Variants in KHDC4 observed in about 807,000 individuals in gnomAD.
The protein encoded by KHDC4 is KH domain containing 4, pre-mRNA splicing factor, also known as KH homology domain-containing protein 4.
In KHDC4, 19 loss-of-function variants were observed where a neutral mutation model predicts 74.5. The observed-to-expected ratio is 0.26, with a 90% CI of 0.18 to 0.37. KHDC4 has a LOEUF of 0.37. Among genes scored for constraint, KHDC4 ranks in the 10% least tolerant of loss-of-function variants. The probability of loss-of-function intolerance (pLI) is 1.00; values close to 1 mark genes in which losing one functional copy is unlikely to be tolerated. For missense variants in KHDC4, 632 were observed against 754.1 expected (o/e 0.84, Z 1.90); for synonymous variants, 253 against 266.1 (o/e 0.95, Z 0.48).
At chr1:155,930,666 C>T (rs1390548745) in intron 2 of KHDC4, among the ~76,000 whole-genome samples, 3 of 152,150 alleles carry the variant, frequency 2.0e-5, no homozygotes, top group South Asian at 2.1e-4. Flanking sequence ...ATCCAACTAA[C>T]TCCATCCTTG....
At position 155,925,781 on chromosome 1, in the gene KHDC4, G is replaced by C; in HGVS notation, c.744C>G (p.Val248=). ...AGCCTGGACCTTCCACCTTCTCCTTGACATTAAAAGTGGGTACAGCATGTT... is the reference window on the plus strand; with the variant it reads ...AGCCTGGACCTTCCACCTTCTCCTTCACATTAAAAGTGGGTACAGCATGTT... The part of the protein sequence containing the change: ...GLEHAVPTFN[V]KEKVEGPGCS... The change falls in exon 7 of 14, where the codon GTC becomes GTG. Residue 248 remains valine (V), a synonymous_variant. Coordinates refer to ENST00000368321, the MANE Select transcript of KHDC4 (RefSeq NM_014949.4). The C allele has an allele frequency of 6.2e-7, 1 of 1,614,132 alleles. No individual in the cohort carries two copies. Among genetic ancestry groups the C allele is most frequent in the Non-Finnish European group, 8.5e-7 (1 of 1,179,994 alleles).
At chr1:155,917,810 T>C in intron 10 of KHDC4, 138 bp from the exon 11 acceptor site, 1 of 722,548 alleles carries the variant, frequency 1.4e-6, no homozygotes, top group East Asian at 2.8e-5. Flanking sequence ...TTCCTTCATG[T>C]ATAATTTGGT....
intron 6 of KHDC4, chr1:155,926,136 C>T (rs759911527): frequency 1.5e-5 from 9 of 586,766 alleles, no homozygotes; most frequent in Non-Finnish European, 9.8e-6. Flanking sequence ...TCAAAATGTA[C>T]AACATGTATA....
At chr1:155,928,366 ACTC>A (rs1674067169) in intron 4 of KHDC4, among the ~76,000 whole-genome samples, 1 of 151,594 alleles carries the variant, frequency 6.6e-6, no homozygotes, top group Non-Finnish European at 1.5e-5. Context: ...AAGAGCAAAA[ACTC>A]CTTCTCTAAT....
Position 155,925,647 on chromosome 1 carries a change from A to G in KHDC4, c.878T>C (p.Met293Thr), listed in dbSNP as rs1431266877. The G allele has an allele frequency of 1.9e-6, 3 of 1,614,034 alleles. No homozygotes were observed. The highest frequency in any genetic ancestry group is 1.7e-5 in the Admixed American group (1 of 59,992). ...CCATCCATACCTGATGTAAATATAC[A>G]TAGGTTCAAAAGCTTCTCGGCCAGA... ...PASGREAFEP[M>T]YIYISHPKPE... Residue 293 changes from methionine to threonine, a missense_variant, in exon 7 of 14, where the codon ATG becomes ACG. By Grantham distance (81) the Met-to-Thr change is moderately conservative. Transcript: ENST00000368321.
At chr1:155,916,428 AAT>A (rs1432911273) in intron 12 of KHDC4, among the ~76,000 whole-genome samples, 195 bp downstream of exon 12, 1 of 152,238 alleles carries the variant, frequency 6.6e-6, no homozygotes, top group Non-Finnish European at 1.5e-5. Flanking sequence ...TTCAAAACCG[AAT>A]ATAACTGCTT....
chr1:155,924,928 A>G (rs1673952677), intron 7 of KHDC4, among the ~76,000 whole-genome samples: 1 of 151,692 alleles, frequency 6.6e-6, no homozygotes, highest in Non-Finnish European at 1.5e-5. Flanking sequence ...CAGTGGTGCA[A>G]ACACAGCTAC....
At chr1:155,924,576 T>C (rs552794649) in intron 7 of KHDC4, among the ~76,000 whole-genome samples, 87 of 139,328 alleles carry the variant, frequency 6.2e-4, no homozygotes, top group African/African-American at 1.5e-3. Flanking sequence ...TAATTTCTCT[T>C]TTTTTTTTTT....
chr1:155,926,740 T>G lies in KHDC4; in HGVS notation c.617A>C (p.His206Pro), dbSNP rs768807178. ...TFNGATVTVYHQPAPIAQLSP... is the reference protein window; with the variant it reads ...TFNGATVTVYPQPAPIAQLSP... ...CAACTGAGCGATGGGTGCTGGCTGG[T>G]GATAGACAGTTACTGTTGCACCATT... The change falls in exon 6 of 14, where the codon CAC (histidine) becomes CCC (proline). Residue 206 changes from histidine (H) to proline (P), a missense_variant. By Grantham distance (77) the His-to-Pro change is moderately conservative. Coordinates refer to ENST00000368321, the MANE Select transcript of KHDC4 (RefSeq NM_014949.4). 1 of 1,614,146 alleles carries G rather than the reference T, an allele frequency of 6.2e-7. No individual in the cohort carries two copies. The highest frequency in any genetic ancestry group is 8.5e-7 in the Non-Finnish European group (1 of 1,180,028).
At chr1:155,930,781 C>T (rs1242446030) in intron 2 of KHDC4, among the ~76,000 whole-genome samples, 3 of 152,140 alleles carry the variant, frequency 2.0e-5, no homozygotes, top group Admixed American at 6.6e-5. Flanking sequence ...AAACCTGATC[C>T]GGTTTCTTTC....
intron 4 of KHDC4, 130 bp downstream of exon 4, chr1:155,929,166 G>T (rs1209433818): frequency 1.6e-6 from 1 of 643,234 alleles, no homozygotes; most frequent in Admixed American, 3.1e-5. Flanking sequence ...TTCTGCTATA[G>T]TGTGCACACA....
intron 10 of KHDC4, 142 bp downstream of exon 10, chr1:155,921,233 A>G: frequency 3.4e-6 from 3 of 885,574 alleles, no homozygotes; most frequent in Non-Finnish European, 5.3e-6. Flanking sequence ...ATATTCAGGT[A>G]GGTTGGTGGT....
chr1:155,926,012 T>C, intron 6 of KHDC4, 169 bp from the exon 7 acceptor site: 1 of 767,352 alleles, frequency 1.3e-6, no homozygotes, highest in Non-Finnish European at 2.4e-6. Context: ...GGCTGCTCTC[T>C]CCAACCCTTT....
Position 155,914,161 on chromosome 1 carries a change from G to A in KHDC4, c.1805C>T (p.Pro602Leu). 1.2e-6 allele frequency: 2 copies of A among 1,614,098 alleles called. No individual in the cohort carries two copies. The highest frequency in any genetic ancestry group is 1.7e-6 in the Non-Finnish European group (2 of 1,180,006). The change falls in exon 14 of 14, where the codon CCA becomes CTA. Residue 602 changes from proline (P) to leucine (L), a missense_variant. Physicochemically the swap from Pro to Leu is moderately conservative, Grantham distance 98 (BLOSUM62 -3). Around this residue, in one of 4 missense-constraint regions of KHDC4, gnomAD observed 41 missense variants for 66.0 expected, o/e 0.62. Transcript: ENST00000368321. The stretch of plus-strand genomic sequence containing the variant: ...GAATGGCATCTGTTGTTTAGCTCGT[G>A]GTTGTGATGAAGGATATTGGTATCC... ...SLGYQYPSSQPRAKQQMPFWM... is the reference protein window; with the variant it reads ...SLGYQYPSSQLRAKQQMPFWM...
At chr1:155,919,483 T>C (rs1449065552) in intron 10 of KHDC4, among the ~76,000 whole-genome samples, 1 of 152,086 alleles carries the variant, frequency 6.6e-6, no homozygotes, top group African/African-American at 2.4e-5. Context: ...GTGACCAGCC[T>C]GGCCAAAATG....
chr1:155,924,299 T>C lies in KHDC4; in HGVS notation c.894-612A>G, dbSNP rs563648285. On this transcript the variant is annotated intron_variant, in intron 7 of 13. Coordinates refer to ENST00000368321, the MANE Select transcript of KHDC4 (RefSeq NM_014949.4). ...ATCTCAGCTCACTGCAAGCTCCACCTCCTGGGTTCACGTCATTCTCCTGCC... is the reference window on the plus strand; with the variant it reads ...ATCTCAGCTCACTGCAAGCTCCACCCCCTGGGTTCACGTCATTCTCCTGCC... 2.0e-5 allele frequency among the ~76,000 whole-genome samples: 3 copies of C among 152,072 alleles called. No individual in the cohort carries two copies. The East Asian group carries it at 5.9e-4, about 30-fold the overall frequency.
At position 155,913,701 on chromosome 1, in the gene KHDC4, G is replaced by C. The variant is rs1459170516; in HGVS notation, c.*420C>G. On this transcript the variant is annotated 3_prime_UTR_variant, in exon 14 of 14. Coordinates refer to ENST00000368321, the MANE Select transcript of KHDC4 (RefSeq NM_014949.4). Reference sequence around the variant, plus strand: ...AAAATCATTTCCCCACTAATAAATAGTAAGGCTCTGTTTGTAACCAGTTAT... The same window carrying C: ...AAAATCATTTCCCCACTAATAAATACTAAGGCTCTGTTTGTAACCAGTTAT... 4 of 161,450 alleles carry C rather than the reference G, an allele frequency of 2.5e-5. No individual in the cohort carries two copies. The highest frequency in any genetic ancestry group is 4.1e-5 in the Non-Finnish European group (3 of 73,422). 10.0% of individuals were successfully genotyped at this position (161,450 alleles called of 1,614,324 possible).
intron 4 of KHDC4, among the ~76,000 whole-genome samples, chr1:155,928,401 C>A (rs987521274): frequency 6.6e-6 from 1 of 151,836 alleles, no homozygotes; most frequent in Non-Finnish European, 1.5e-5. Context: ...TAAATAAATT[C>A]TTGGCTTGGG....
In KHDC4 at chr1:155,926,841, T is replaced by C; in HGVS notation, c.518-2A>G. 1 of 1,614,082 alleles carries C rather than the reference T, an allele frequency of 6.2e-7. No homozygotes were observed. Among genetic ancestry groups the C allele is most frequent in the Non-Finnish European group, 8.5e-7 (1 of 1,179,974 alleles). Reference sequence around the variant, plus strand: ...TTTCTTTGATCCGGTTTACAGCTCCTTAGAAAAACACAGACAGTAAAACTG... The same window carrying C: ...TTTCTTTGATCCGGTTTACAGCTCCCTAGAAAAACACAGACAGTAAAACTG... On this transcript the variant is annotated splice_acceptor_variant, in intron 5 of 13. Transcript: ENST00000368321. LOFTEE classifies it high-confidence loss of function.
Sources: allele counts gnomAD v4.1 joint callset (sites outside exome capture counted in the v4.1 genomes callset), GRCh38; gene constraint gnomAD v4.1.1; regional missense constraint gnomAD v4.1.1; transcripts MANE v1.5; gene names NCBI Gene and HGNC (gene_info 2026-07-23, HGNC 2026-07-21).